The following ZFR2 variants were observed in gnomAD, a reference collection of about 807,000 sequenced individuals.
ZFR2 encodes the protein zinc finger RNA binding protein 2.
Under a neutral mutation model 105.7 loss-of-function variants are expected in ZFR2, and 104 were observed. The observed-to-expected ratio is 0.98, with a 90% CI of 0.84 to 1.16. The LOEUF is 1.16. ZFR2 is among the 50% of genes most tolerant of loss of function. The probability of loss-of-function intolerance (pLI) is 0.00; values close to 1 mark genes in which losing one functional copy is unlikely to be tolerated. For missense variants in ZFR2, 1,425 were observed against 1,355.5 expected, an observed-to-expected ratio of 1.05 and a Z score of -0.80; for synonymous variants, 634 against 597.7, an observed-to-expected ratio of 1.06 and a Z score of -0.89.
At chr19:3,816,241 A>ATC (rs2037823335) in intron 13 of ZFR2, among the ~76,000 whole-genome samples, 5 of 113,442 alleles carry the variant, frequency 4.4e-5, no homozygotes, top group African/African-American at 1.9e-4. Flanking sequence ...TTCTTCTTGT[A>ATC]TCTTTTTTTT....
chr19:3,855,741 G>A (rs2038291076), intron 1 of ZFR2, among the ~76,000 whole-genome samples: 1 of 152,164 alleles, frequency 6.6e-6, no homozygotes, highest in Admixed American at 6.5e-5. Flanking sequence ...TGGGGAAACA[G>A]GGCAGCGCAT....
chr19:3,833,970 G>A (rs1300437546), intron 2 of ZFR2, among the ~76,000 whole-genome samples, 192 bp from the exon 3 acceptor site: 1 of 151,326 alleles, frequency 6.6e-6, no homozygotes, highest in Non-Finnish European at 1.5e-5. Context: ...GGCAGGGGGC[G>A]TGGTTGACAC....
At position 3,853,303 on chromosome 19, in the gene ZFR2, T is replaced by C. The variant is rs144749269; in HGVS notation, c.53+15662A>G. On this transcript the variant is annotated intron_variant, in intron 1 of 18. Coordinates refer to ENST00000262961, the MANE Select transcript of ZFR2 (RefSeq NM_015174.2). ...CGGTCACGCTGACTCCCCCTTGCCTTCTCACAGTTTAGAGTCAGATGAAAG... is the reference window on the plus strand; with the variant it reads ...CGGTCACGCTGACTCCCCCTTGCCTCCTCACAGTTTAGAGTCAGATGAAAG... Among the ~76,000 whole-genome samples the C allele has an allele frequency of 2.9e-3, 442 of 152,260 alleles. 2 individuals carry two copies. The highest frequency in any genetic ancestry group is 0.01 in the African/African-American group (427 of 41,550).
intron 1 of ZFR2, chr19:3,855,532 G>T: frequency 9.4e-7 from 1 of 1,060,896 alleles, no homozygotes; most frequent in South Asian, 4.8e-5. Flanking sequence ...GGAATAACCA[G>T]ACCAAAGTCC....
At chr19:3,846,671 C>T (rs1261384406) in intron 1 of ZFR2, among the ~76,000 whole-genome samples, 1 of 152,196 alleles carries the variant, frequency 6.6e-6, no homozygotes, top group African/African-American at 2.4e-5. Context: ...TTCCTTACTA[C>T]ATAAGCGGAA....
chr19:3,868,836 G>T (rs1293676936), intron 1 of ZFR2, 129 bp downstream of exon 1: 2 of 798,566 alleles, frequency 2.5e-6, no homozygotes, highest in African/African-American at 3.6e-5. Flanking sequence ...CTTCCCTCAG[G>T]CCGGGGTTCC....
intron 1 of ZFR2, among the ~76,000 whole-genome samples, chr19:3,849,763 G>A (rs1357052246): frequency 3.3e-5 from 5 of 152,210 alleles, no homozygotes; most frequent in African/African-American, 9.7e-5. Context: ...AAAAGAACAC[G>A]CTCTTCTTGT....
intron 10 of ZFR2, among the ~76,000 whole-genome samples, chr19:3,821,117 C>A (rs2037887233): frequency 6.6e-6 from 1 of 152,112 alleles, no homozygotes; most frequent in Admixed American, 6.5e-5. Flanking sequence ...GGCCCTGGAG[C>A]CCACGTGTCA....
At chr19:3,821,563 C>A in intron 9 of ZFR2, 84 bp from the exon 10 acceptor site, 1 of 1,329,802 alleles carries the variant, frequency 7.5e-7, no homozygotes, top group South Asian at 1.8e-5. Context: ...CAGGGAGAGG[C>A]CCAGAGACTA....
At chr19:3,807,401 C>A in intron 17 of ZFR2, 132 bp from the exon 18 acceptor site, 1 of 652,156 alleles carries the variant, frequency 1.5e-6, no homozygotes, top group Admixed American at 2.8e-5. Context: ...CGTGGCACCT[C>A]TGACCCTCAG....
At chr19:3,820,479 G>C (rs1173148145) in intron 10 of ZFR2, among the ~76,000 whole-genome samples, 189 bp from the exon 11 acceptor site, 2 of 152,204 alleles carry the variant, frequency 1.3e-5, no homozygotes. Flanking sequence ...GCTGGTGTGG[G>C]GGGCAGCCAA....
At position 3,808,864 on chromosome 19, in the gene ZFR2, C is replaced by T. The variant is rs763326731; in HGVS notation, c.2545+8G>A. 23 of 1,541,100 alleles carry T rather than the reference C, an allele frequency of 1.5e-5. No individual in the cohort carries two copies. Among genetic ancestry groups the T allele is most frequent in the African/African-American group, 5.5e-5 (4 of 72,976 alleles). On this transcript the variant is annotated splice_region_variant and intron_variant, in intron 17 of 18. Coordinates refer to ENST00000262961, the MANE Select transcript of ZFR2 (RefSeq NM_015174.2). ...CCACCTCCTGGGCCCTCCGGCCCAG[C>T]GACTGACCTGTCAGGAGCGTCCCTG...
At chr19:3,825,912 G>A (rs920603669) in intron 6 of ZFR2, among the ~76,000 whole-genome samples, 4 of 152,124 alleles carry the variant, frequency 2.6e-5, no homozygotes, top group African/African-American at 9.7e-5. Flanking sequence ...AGGTGTTTCT[G>A]GCAAAGGTTC....
At position 3,823,135 on chromosome 19, in the gene ZFR2, G is replaced by A. The variant is rs1161979019; in HGVS notation, c.1371+111C>T. On this transcript the variant is annotated intron_variant, in intron 8 of 18. Coordinates refer to ENST00000262961, the MANE Select transcript of ZFR2 (RefSeq NM_015174.2). This position sits in a 1 kb window ranked among gnomAD's most constrained non-coding sequence, Gnocchi z 5.4. ...GGTCTGGCCTGTGCAGCTCAGGAACGGGGATGGGTCTGTAAATCTCGCTGG... is the reference window on the plus strand; with the variant it reads ...GGTCTGGCCTGTGCAGCTCAGGAACAGGGATGGGTCTGTAAATCTCGCTGG... 28 of 1,486,338 alleles carry A rather than the reference G, an allele frequency of 1.9e-5. No individual in the cohort carries two copies. Among genetic ancestry groups the A allele is most frequent in the South Asian group, 1.1e-4 (9 of 85,046 alleles). 92.1% of individuals were successfully genotyped at this position (1,486,338 alleles called of 1,614,324 possible).
At chr19:3,812,309 G>A (rs1156814584) in intron 14 of ZFR2, among the ~76,000 whole-genome samples, 1 of 152,006 alleles carries the variant, frequency 6.6e-6, no homozygotes, top group Non-Finnish European at 1.5e-5. Context: ...CGAATTTCTG[G>A]GCTCAAGCAA....
At chr19:3,859,818 A>G (rs910278046) in intron 1 of ZFR2, among the ~76,000 whole-genome samples, 1 of 152,228 alleles carries the variant, frequency 6.6e-6, no homozygotes, top group African/African-American at 2.4e-5. Context: ...ACTTCTGTTC[A>G]CAGGGGTTTT....
Position 3,813,720 on chromosome 19 carries a change from T to C in ZFR2, c.2242+100A>G, listed in dbSNP as rs1237485006. On this transcript the variant is annotated intron_variant, in intron 14 of 18. Transcript: ENST00000262961. The surrounding 1 kb of genome is among the most constrained non-coding windows in gnomAD (Gnocchi z 4.4). ...GGAGCGTGGCTGCTGTGGCATTTCC[T>C]GCTCAGGGCAGAGGCGGACGCTGCC... The C allele has an allele frequency of 3.0e-5, 45 of 1,512,900 alleles. No homozygotes were observed. Among genetic ancestry groups the C allele is most frequent in the Non-Finnish European group, 3.6e-5 (40 of 1,120,198 alleles). 93.7% of individuals were successfully genotyped at this position (1,512,900 alleles called of 1,614,324 possible).
chr19:3,841,232 C>T (rs570532859), intron 1 of ZFR2, among the ~76,000 whole-genome samples: 24 of 152,366 alleles, frequency 1.6e-4, no homozygotes, highest in African/African-American at 5.8e-4. Context: ...TTCGCAAACC[C>T]TCCTGTTGGG....
At chr19:3,828,424 A>G (rs748528228) in intron 5 of ZFR2, among the ~76,000 whole-genome samples, 1 of 152,308 alleles carries the variant, frequency 6.6e-6, no homozygotes, top group African/African-American at 2.4e-5. Context: ...AGCATGCTCC[A>G]TGCATCACAC....
Sources: allele counts gnomAD v4.1 joint callset (sites outside exome capture counted in the v4.1 genomes callset), GRCh38; gene constraint gnomAD v4.1.1; non-coding constraint Gnocchi (gnomAD v3.1); transcripts MANE v1.5; gene names NCBI Gene and HGNC (gene_info 2026-07-23, HGNC 2026-07-21).